Variants in CEP85 observed in about 807,000 individuals in gnomAD.
The protein encoded by CEP85 is centrosomal protein of 85 kDa.
Under a neutral mutation model 93.7 loss-of-function variants are expected in CEP85, and 58 were observed. The observed-to-expected ratio is 0.62, with a 90% CI of 0.50 to 0.77. The LOEUF (loss-of-function observed/expected upper bound fraction) is 0.77. CEP85 is among the 30% of genes least tolerant of loss of function. The pLI, the probability that CEP85 is intolerant of heterozygous loss-of-function variation, is 0.00. For synonymous variants in CEP85, 314 were observed against 338.6 expected, an observed-to-expected ratio of 0.93 and a Z score of 0.80; for missense variants, 868 against 922.0, an observed-to-expected ratio of 0.94 and a Z score of 0.76.
At chr1:26,256,738 A>G (rs1557658252) in intron 4 of CEP85, among the ~76,000 whole-genome samples, 1 of 149,326 alleles carries the variant, frequency 6.7e-6, no homozygotes. Context: ...AGCTGGGACT[A>G]CAGGTGCGTG....
intron 3 of CEP85, among the ~76,000 whole-genome samples, chr1:26,245,781 TTGAA>T (rs1163065158): frequency 6.6e-6 from 1 of 152,188 alleles, no homozygotes; most frequent in African/African-American, 2.4e-5. Flanking sequence ...TTCAAAGTGA[TTGAA>T]TGAGTTTCTT....
In CEP85 at chr1:26,255,707, C is replaced by T. The variant is rs1437945725; in HGVS notation, c.745C>T (p.Pro249Ser). 1.4e-5 allele frequency: 22 copies of T among 1,614,092 alleles called. No individual in the cohort carries two copies. Among genetic ancestry groups the T allele is most frequent in the South Asian group, 2.2e-5 (2 of 91,066 alleles). ...GPHSNSSGVL[P>S]LGLQPAPGLS... Reference sequence around the variant, plus strand: ...ACATTCTAATAGCAGTGGGGTCCTCCCTTTGGGACTCCAGCCTGCTCCCGG... The same window carrying T: ...ACATTCTAATAGCAGTGGGGTCCTCTCTTTGGGACTCCAGCCTGCTCCCGG... The change falls in exon 4 of 14, where the codon CCT (proline) becomes TCT (serine). Residue 249 changes from proline (P) to serine (S), a missense_variant. By Grantham distance (74) the Pro-to-Ser change is moderately conservative. Coordinates refer to ENST00000451429, the MANE Select transcript of CEP85 (RefSeq NM_001319944.2).
chr1:26,274,942 A>T (rs1331939210), intron 11 of CEP85, 22 bp from the exon 12 acceptor site: 1 of 1,547,480 alleles, frequency 6.5e-7, no homozygotes, highest in Admixed American at 2.0e-5. Context: ...GTGTTCCCTC[A>T]ACATCTTGCT....
At chr1:26,243,825 G>C (rs6598949) in intron 2 of CEP85, among the ~76,000 whole-genome samples, 132,810 of 151,688 alleles carry the variant, frequency 0.88, 59,088 homozygotes, top group Non-Finnish European at 0.93. Flanking sequence ...TGGTGAAACC[G>C]CGTCTCTACT....
chr1:26,250,925 C>CCTT (rs2089598435), intron 3 of CEP85, among the ~76,000 whole-genome samples: 6 of 55,160 alleles, frequency 1.1e-4, no homozygotes, highest in African/African-American at 3.5e-4. Flanking sequence ...TTTTTTTTTT[C>CCTT]TTTTTTCTTT....
chr1:26,245,850 A>G (rs2089501187), intron 3 of CEP85, among the ~76,000 whole-genome samples: 2 of 152,026 alleles, frequency 1.3e-5, no homozygotes, highest in Admixed American at 6.6e-5. Context: ...TAAAACATCT[A>G]CTCCACAGCC....
intron 1 of CEP85, among the ~76,000 whole-genome samples, chr1:26,235,567 C>CT (rs1192252673): frequency 0.32 from 30,160 of 95,372 alleles, 6,094 homozygotes; most frequent in Non-Finnish European, 0.36. Flanking sequence ...GATTGTAATT[C>CT]TTTTTTTTTT....
intron 2 of CEP85, among the ~76,000 whole-genome samples, chr1:26,241,766 C>CT (rs918945501): frequency 9.5e-4 from 136 of 143,430 alleles, no homozygotes; most frequent in Middle Eastern, 3.7e-3. Context: ...TTCAGCTTTT[C>CT]TTTTTTTTTT....
chr1:26,276,991 C>A, intron 13 of CEP85, 145 bp from the exon 14 acceptor site: 1 of 949,760 alleles, frequency 1.1e-6, no homozygotes, highest in Non-Finnish European at 1.6e-6. Flanking sequence ...CCTTCAGCAG[C>A]AAATTAACCC....
At chr1:26,268,187 G>T (rs2089919558) in intron 7 of CEP85, among the ~76,000 whole-genome samples, 1 of 152,232 alleles carries the variant, frequency 6.6e-6, no homozygotes, top group Non-Finnish European at 1.5e-5. Context: ...GCTGGGTGTG[G>T]TGGCCCATGC....
At chr1:26,261,603 T>C (rs2089809183) in intron 7 of CEP85, among the ~76,000 whole-genome samples, 1 of 151,960 alleles carries the variant, frequency 6.6e-6, no homozygotes, top group Non-Finnish European at 1.5e-5. Flanking sequence ...ATAAAAAATT[T>C]AGTAGTTCTG....
intron 7 of CEP85, chr1:26,263,357 C>T (rs996772664): frequency 5.1e-5 from 13 of 255,136 alleles, no homozygotes; most frequent in South Asian, 1.1e-4. Flanking sequence ...TCTCTGGCTG[C>T]GGCATGGCTG....
chr1:26,252,866 G>A (rs527326069), intron 3 of CEP85, among the ~76,000 whole-genome samples: 8 of 152,130 alleles, frequency 5.3e-5, no homozygotes, highest in South Asian at 4.1e-4. Context: ...CTGTCTAACC[G>A]AAATGTTTTA....
At chr1:26,239,444 CG>C (rs1430671780) in intron 1 of CEP85, among the ~76,000 whole-genome samples, 1 of 151,986 alleles carries the variant, frequency 6.6e-6, no homozygotes, top group East Asian at 1.9e-4. Context: ...CTCTGCCTCC[CG>C]GGTTCAAGCA....
Position 26,238,197 on chromosome 1 carries a change from A to G in CEP85, c.-22-1565A>G, listed in dbSNP as rs533399331. Among the ~76,000 whole-genome samples, 50 of 50,684 alleles carry G rather than the reference A, an allele frequency of 9.9e-4. No individual in the cohort carries two copies. In the Middle Eastern group the frequency reaches 0.029, roughly 30 times the overall value. 33.3% of individuals were successfully genotyped at this position (50,684 alleles called of 152,430 possible). A position where few individuals can be genotyped will look rare whatever the true frequency, so the allele number is the denominator to read the frequency against. On this transcript the variant is annotated intron_variant, in intron 1 of 13. Transcript: ENST00000451429. ...AGAATTATGTTCTGTGAATTGTCCC[A>G]AACTCTTTTTTTTTTTTTTTTGAGA...
intron 3 of CEP85, among the ~76,000 whole-genome samples, chr1:26,247,839 G>A (rs12086573): frequency 0.17 from 25,076 of 151,734 alleles, 2,170 homozygotes; most frequent in Middle Eastern, 0.21. Context: ...TTTGTTTTGC[G>A]TGTGGAGTCA....
intron 6 of CEP85, among the ~76,000 whole-genome samples, chr1:26,258,784 A>G (rs2089762194): frequency 6.6e-6 from 1 of 151,994 alleles, no homozygotes; most frequent in Admixed American, 6.6e-5. Flanking sequence ...TTTAGTAGAG[A>G]CGGGGTTTCA....
In CEP85 at chr1:26,241,244, A is replaced by ATTTTTTTT. The variant is rs71004567; in HGVS notation, c.55+1415_55+1422dup. Among the ~76,000 whole-genome samples, 63 of 109,288 alleles carry ATTTTTTTT rather than the reference A, an allele frequency of 5.8e-4. 20 individuals carry two copies. Among genetic ancestry groups the ATTTTTTTT allele is most frequent in the East Asian group, 8.9e-4 (4 of 4,470 alleles). 71.7% of individuals were successfully genotyped at this position (109,288 alleles called of 152,430 possible). A position where few individuals can be genotyped will look rare whatever the true frequency, so the allele number is the denominator to read the frequency against. ...ATCAATTCAAGATTCATTCAGCAGA[A>ATTTTTTTT]TTTTTTTTTTTTTTTTGAAATGGAG... On this transcript the variant is annotated intron_variant, in intron 2 of 13. Transcript: ENST00000451429.
At chr1:26,260,789 CCTTT>C (rs960395624) in intron 7 of CEP85, among the ~76,000 whole-genome samples, 7 of 151,664 alleles carry the variant, frequency 4.6e-5, no homozygotes, top group African/African-American at 9.7e-5. Context: ...TGAGATCCTG[CCTTT>C]CTTTTTTTTT....
Sources: gnomAD v4.1 joint callset for allele counts (sites outside exome capture counted in the v4.1 genomes callset) on GRCh38, gnomAD v4.1.1 for gene constraint, MANE v1.5 for transcripts, NCBI Gene and HGNC (gene_info 2026-07-23, HGNC 2026-07-21) for gene names.